AKR1C3: variants seen among roughly 807,000 people sequenced by gnomAD.
AKR1C3 encodes the protein aldo-keto reductase family 1 member C3, also known as 3-alpha hydroxysteroid dehydrogenase, type II.
AKR1C3 carries 48 observed loss-of-function variants against 43.6 expected under a neutral mutation model. The ratio of observed to expected loss-of-function variants is 1.10; its 90% confidence interval spans 0.87 to 1.40. AKR1C3 has a LOEUF of 1.40. AKR1C3 is among the 40% of genes most tolerant of loss of function. The pLI is 0.00. For missense variants in AKR1C3, 482 were observed against 391.2 expected (o/e 1.23, Z -1.96); for synonymous variants, 162 against 139.6 (o/e 1.16, Z -1.13).
At chr10:5,058,074 G>T (rs192336276) in intron 1 of AKR1C3, among the ~76,000 whole-genome samples, 67 of 152,208 alleles carry the variant, frequency 4.4e-4, no homozygotes, top group African/African-American at 1.4e-3. Context: ...ATAACCAATA[G>T]CCCGGGGGGT....
chr10:5,084,650 C>G (rs1367776916), intron 1 of AKR1C3, among the ~76,000 whole-genome samples: 2 of 152,078 alleles, frequency 1.3e-5, no homozygotes, highest in Non-Finnish European at 1.5e-5. Context: ...GGCATTGAAT[C>G]TATAAATTAC....
intron 1 of AKR1C3, among the ~76,000 whole-genome samples, chr10:5,082,305 T>C (rs1554782438): frequency 1.3e-5 from 2 of 152,200 alleles, no homozygotes; most frequent in Admixed American, 6.5e-5. Flanking sequence ...TTGCCATGAA[T>C]AGTACTTCCA....
rs563553179 is a variant in AKR1C3 at position 5,097,649 on chromosome 10, G to T, written c.369+99G>T. The T allele has an allele frequency of 2.8e-4, 451 of 1,592,652 alleles. 1 individual carries two copies. Among genetic ancestry groups the T allele is most frequent in the Non-Finnish European group, 3.6e-4 (424 of 1,170,940 alleles). ...AGAGCTTTTTATTAGGAGGATGTAGGGATTATCACACAGAAGAAGAACCGT... is the reference window on the plus strand; with the variant it reads ...AGAGCTTTTTATTAGGAGGATGTAGTGATTATCACACAGAAGAAGAACCGT... On this transcript the variant is annotated intron_variant, in intron 3 of 8. Coordinates refer to ENST00000380554, the MANE Select transcript of AKR1C3 (RefSeq NM_003739.6).
At chr10:5,097,876 C>T (rs895822302) in intron 3 of AKR1C3, 2 of 1,126,236 alleles carry the variant, frequency 1.8e-6, no homozygotes, top group Admixed American at 4.8e-5. Flanking sequence ...GAGTTTCATG[C>T]AGTTGTGGTG....
chr10:5,067,711 C>G (rs1838537650), intron 1 of AKR1C3, among the ~76,000 whole-genome samples: 1 of 152,132 alleles, frequency 6.6e-6, no homozygotes, highest in Admixed American at 6.5e-5. Context: ...GCTTTGTATT[C>G]CCAGGAATAT....
chr10:5,079,980 G>A (rs937196782), intron 1 of AKR1C3, among the ~76,000 whole-genome samples: 14 of 152,198 alleles, frequency 9.2e-5, no homozygotes, highest in African/African-American at 2.9e-4. Flanking sequence ...AAGTTAAAGC[G>A]AAATAATGAA....
chr10:5,070,457 T>TG (rs782415486), intron 1 of AKR1C3, among the ~76,000 whole-genome samples: 3 of 152,132 alleles, frequency 2.0e-5, no homozygotes, highest in Non-Finnish European at 2.9e-5. Flanking sequence ...ACAGAATTTG[T>TG]GGGGGTTTAA....
At chr10:5,106,549 G>A (rs1363126597) in intron 8 of AKR1C3, among the ~76,000 whole-genome samples, 7 of 152,156 alleles carry the variant, frequency 4.6e-5, no homozygotes, top group Middle Eastern at 3.4e-3. Context: ...TCAGGAGTTC[G>A]AGACCAGCCT....
chr10:5,059,904 G>A (rs564640449), intron 1 of AKR1C3, among the ~76,000 whole-genome samples: 9 of 151,972 alleles, frequency 5.9e-5, no homozygotes, highest in Admixed American at 3.3e-4. Flanking sequence ...GCGGACCCTC[G>A]CAGTGAGTGT....
At chr10:5,052,195 G>A (rs11599072) in intron 1 of AKR1C3, among the ~76,000 whole-genome samples, 18,757 of 152,154 alleles carry the variant, frequency 0.12, 1,684 homozygotes, top group East Asian at 0.4. Flanking sequence ...CTCTTAAGGT[G>A]GCACGTCTGG....
rs538592734 is a variant in AKR1C3, at chr10:5,099,398, G to A, written c.519G>A (p.Leu173=). 6.2e-6 allele frequency: 10 copies of A among 1,614,178 alleles called. No individual in the cohort carries two copies. In the South Asian group the frequency reaches 8.8e-5, roughly 14 times the overall value. Residue 173 remains leucine (L), a synonymous_variant, in exon 5 of 9, where the codon CTG becomes CTA. Transcript: ENST00000380554. Reference sequence around the variant, plus strand: ...TGTCAAACTTCAACCGCAGGCAGCTGGAGATGATCCTCAACAAGCCAGGAC... The same window carrying A: ...TGTCAAACTTCAACCGCAGGCAGCTAGAGATGATCCTCAACAAGCCAGGAC... ...IGVSNFNRRQ[L]EMILNKPGLK...
chr10:5,062,366 TTCTG>T (rs1838398841), intron 1 of AKR1C3, among the ~76,000 whole-genome samples: 1 of 152,196 alleles, frequency 6.6e-6, no homozygotes. Flanking sequence ...GTGGACTGTT[TTCTG>T]TCTATTTTCA....
At chr10:5,104,935 G>GT (rs1205788722) in intron 7 of AKR1C3, among the ~76,000 whole-genome samples, 3 of 152,170 alleles carry the variant, frequency 2.0e-5, no homozygotes, top group Admixed American at 6.5e-5. Flanking sequence ...ACTTGTTCAT[G>GT]TTTTTTATTC....
chr10:5,095,553 G>A (rs576571699), intron 1 of AKR1C3, among the ~76,000 whole-genome samples: 4 of 150,566 alleles, frequency 2.7e-5, no homozygotes, highest in South Asian at 4.2e-4. Flanking sequence ...TAATTTCAAC[G>A]AAACAAGAAA....
At position 5,082,208 on chromosome 10, in the gene AKR1C3, G is replaced by T. The variant is rs535778266; in HGVS notation, c.85-14202G>T. On this transcript the variant is annotated intron_variant, in intron 1 of 8. Coordinates refer to the AKR1C3 transcript ENST00000439082. ...TTTGAGGAACCTTTAGGGTTTTCTA[G>T]GTATATAATCCTGTCATCAGCAAAC... Among the ~76,000 whole-genome samples, 17 of 152,132 alleles carry T rather than the reference G, an allele frequency of 1.1e-4. No individual in the cohort carries two copies. The South Asian group carries it at 3.5e-3, about 32-fold the overall frequency.
chr10:5,103,922 AAT>A (rs1323278309), intron 7 of AKR1C3, among the ~76,000 whole-genome samples: 1 of 151,714 alleles, frequency 6.6e-6, no homozygotes, highest in Admixed American at 6.6e-5. Context: ...ATGATAGGTT[AAT>A]ATATATGATA....
chr10:5,069,316 C>T (rs192427363), intron 1 of AKR1C3, among the ~76,000 whole-genome samples: 21 of 152,152 alleles, frequency 1.4e-4, no homozygotes, highest in African/African-American at 4.3e-4. Context: ...AGAATATTCA[C>T]AAATAGTTTA....
At position 5,060,954 on chromosome 10, in the gene AKR1C3, C is replaced by T. The variant is rs538213576; in HGVS notation, c.84+12059C>T. ...GCTCCAAGTGCAGGGCCTGCTGAGC[C>T]CATGCCCACCTGGAACTCACGCTGG... is the stretch of plus-strand genomic sequence containing the variant. On this transcript the variant is annotated intron_variant, in intron 1 of 8. Transcript: ENST00000439082. Among the ~76,000 whole-genome samples the T allele has an allele frequency of 3.9e-5, 6 of 152,350 alleles. No homozygotes were observed. The South Asian group carries it at 1.2e-3, about 32-fold the overall frequency.
At chr10:5,054,007 G>A (rs1554779285) in intron 1 of AKR1C3, among the ~76,000 whole-genome samples, 1 of 152,236 alleles carries the variant, frequency 6.6e-6, no homozygotes, top group African/African-American at 2.4e-5. Flanking sequence ...AAGCCATGTT[G>A]CCCAACTCCA....
Sources: gnomAD v4.1 joint callset for allele counts (sites outside exome capture counted in the v4.1 genomes callset) on GRCh38, gnomAD v4.1.1 for gene constraint, MANE v1.5 for transcripts, NCBI Gene and HGNC (gene_info 2026-07-23, HGNC 2026-07-21) for gene names.